The following IRAG1 variants were observed in gnomAD, a reference collection of about 807,000 sequenced individuals.
IRAG1 encodes inositol 1,4,5-triphosphate receptor associated 1, also known as IP3R-associated cGMP kinase substrate.
Under a neutral mutation model 106.2 loss-of-function variants are expected in IRAG1, and 62 were observed. That is an observed-to-expected ratio of 0.58 (90% CI 0.48 to 0.72). The LOEUF is 0.72. Among genes scored for constraint, IRAG1 ranks in the 30% least tolerant of loss-of-function variants. The probability of loss-of-function intolerance (pLI) is 0.00; values close to 1 mark genes in which losing one functional copy is unlikely to be tolerated. For synonymous variants in IRAG1, 462 were observed against 443.9 expected (o/e 1.04, Z -0.51); for missense variants, 1,064 against 1,140.7 (o/e 0.93, Z 0.97).
intron 16 of IRAG1, 112 bp downstream of exon 16, chr11:10,594,034 T>A: frequency 9.8e-7 from 1 of 1,017,866 alleles, no homozygotes; most frequent in Non-Finnish European, 1.5e-6. Context: ...AGAAACTCTG[T>A]TCAGAGATTC....
chr11:10,617,130 T>C (rs2134468119), intron 10 of IRAG1: 1 of 985,418 alleles, frequency 1.0e-6, no homozygotes, highest in African/African-American at 1.7e-5. Context: ...CCATTCGATG[T>C]ACTTCTCTGC....
intron 18 of IRAG1, among the ~76,000 whole-genome samples, chr11:10,590,059 C>A (rs965070339): frequency 6.6e-6 from 1 of 152,072 alleles, no homozygotes; most frequent in African/African-American, 2.4e-5. Context: ...TGAGGGTTCT[C>A]TGAAGTAGGG....
intron 11 of IRAG1, 51 bp downstream of exon 11, chr11:10,609,677 C>T: frequency 1.3e-6 from 2 of 1,574,856 alleles, no homozygotes; most frequent in Non-Finnish European, 1.7e-6. Flanking sequence ...TAGAATCCAA[C>T]ACAGGGGCCA....
chr11:10,684,907 T>G (rs1861553617), intron 1 of IRAG1, among the ~76,000 whole-genome samples: 2 of 152,192 alleles, frequency 1.3e-5, no homozygotes, highest in South Asian at 4.1e-4. Context: ...ACTACCATTT[T>G]ATAGAGCATT....
At chr11:10,687,527 T>G in intron 1 of IRAG1, 1 of 534,558 alleles carries the variant, frequency 1.9e-6, no homozygotes, top group Non-Finnish European at 2.7e-6. Context: ...CCAAACACTT[T>G]CCAACACCAG....
rs1325854921 is a variant in IRAG1, at chr11:10,626,362, G to T, written c.972C>A (p.Gly324=). 1.9e-6 allele frequency: 3 copies of T among 1,613,798 alleles called. No individual in the cohort carries two copies. The Admixed American group carries it at 5.0e-5, about 27-fold the overall frequency. The change falls in exon 9 of 21, where the codon GGC becomes GGA. Residue 324 remains glycine (G), a synonymous_variant. Coordinates refer to ENST00000423302, the MANE Select transcript of IRAG1 (RefSeq NM_130385.4). ...GKMALNSPQP[G]PVESELGKQL... ...GCTTCCCCAGCTCGCTCTCCACGGG[G>T]CCAGGCTGAGGGCTGTTCAGGGCCA...
At chr11:10,621,030 T>A (rs1855798750) in intron 10 of IRAG1, among the ~76,000 whole-genome samples, 1 of 152,114 alleles carries the variant, frequency 6.6e-6, no homozygotes, top group Admixed American at 6.5e-5. Context: ...ACATTATAAA[T>A]ATGGGCAAAT....
At chr11:10,679,943 C>T (rs1476582802) in intron 1 of IRAG1, among the ~76,000 whole-genome samples, 7 of 152,068 alleles carry the variant, frequency 4.6e-5, no homozygotes, top group East Asian at 3.9e-4. Flanking sequence ...GACCATGAAA[C>T]GTTTTTCCAA....
chr11:10,686,678 T>C (rs1198193449), intron 1 of IRAG1, among the ~76,000 whole-genome samples: 1 of 152,130 alleles, frequency 6.6e-6, no homozygotes, highest in Non-Finnish European at 1.5e-5. Flanking sequence ...GCCAGGTCTA[T>C]AGGCCACAGA....
chr11:10,612,651 A>G (rs1391019498), intron 10 of IRAG1, among the ~76,000 whole-genome samples: 1 of 152,104 alleles, frequency 6.6e-6, no homozygotes, highest in Non-Finnish European at 1.5e-5. Context: ...TATAGACAAA[A>G]GAGGAAGGAA....
chr11:10,622,062 G>C (rs1182876995), intron 10 of IRAG1, among the ~76,000 whole-genome samples: 1 of 152,112 alleles, frequency 6.6e-6, no homozygotes, highest in East Asian at 1.9e-4. Flanking sequence ...TGTACTTACT[G>C]CCACTGAACT....
intron 20 of IRAG1, among the ~76,000 whole-genome samples, chr11:10,577,743 G>C (rs537395150): frequency 6.6e-6 from 1 of 152,192 alleles, no homozygotes; most frequent in Admixed American, 6.5e-5. Context: ...TCCTTAGAAA[G>C]GGACCAGATG....
At position 10,634,753 on chromosome 11, in the gene IRAG1, TTGTGTGTGTGTGTG is replaced by T. The variant is rs57266330; in HGVS notation, c.226-696_226-683del. On this transcript the variant is annotated intron_variant, in intron 2 of 20. Transcript: ENST00000423302. ...CTTTTTTTAAGGATGAATAATATTC[TTGTGTGTGTGTGTG>T]TGTGTGTGTGTGTGTGTGTATACAG... Among the ~76,000 whole-genome samples the T allele has an allele frequency of 3.4e-5, 5 of 145,048 alleles. No individual in the cohort carries two copies. The East Asian group carries it at 6.2e-4, about 18-fold the overall frequency.
chr11:10,613,476 C>T (rs1240165648), intron 10 of IRAG1, among the ~76,000 whole-genome samples: 2 of 152,204 alleles, frequency 1.3e-5, no homozygotes, highest in Admixed American at 6.5e-5. Context: ...TCAGGGAACA[C>T]AGCACCTCTG....
chr11:10,622,042 A>G (rs764181752), intron 10 of IRAG1, among the ~76,000 whole-genome samples: 6 of 152,230 alleles, frequency 3.9e-5, no homozygotes, highest in Non-Finnish European at 2.9e-5. Flanking sequence ...TGATGGCTTC[A>G]TAATATGAAT....
chr11:10,591,059 A>G (rs561867423), intron 18 of IRAG1, among the ~76,000 whole-genome samples: 1 of 152,356 alleles, frequency 6.6e-6, no homozygotes, highest in East Asian at 1.9e-4. Context: ...GGCAAGAAAC[A>G]GTCCCTTTCT....
chr11:10,693,324 A>T, intron 1 of IRAG1: 2 of 945,138 alleles, frequency 2.1e-6, no homozygotes, highest in South Asian at 2.0e-5. Flanking sequence ...CAATCTAGTT[A>T]AGTTAGGACT....
chr11:10,681,757 T>C (rs960322938), intron 1 of IRAG1, among the ~76,000 whole-genome samples: 4 of 152,236 alleles, frequency 2.6e-5, no homozygotes, highest in Non-Finnish European at 4.4e-5. Flanking sequence ...CAGGGACGGA[T>C]GCTGGAAGAC....
chr11:10,691,770 G>A (rs1258523659), intron 1 of IRAG1, among the ~76,000 whole-genome samples: 5 of 152,094 alleles, frequency 3.3e-5, no homozygotes, highest in Non-Finnish European at 7.4e-5. Context: ...CAAGGGGGCC[G>A]GTGATTCCCC....
Sources: gnomAD v4.1 joint callset for allele counts (sites outside exome capture counted in the v4.1 genomes callset) on GRCh38, gnomAD v4.1.1 for gene constraint, MANE v1.5 for transcripts, NCBI Gene and HGNC (gene_info 2026-07-23, HGNC 2026-07-21) for gene names.